Variants in SAFB observed in about 807,000 individuals in gnomAD.
SAFB encodes scaffold attachment factor B1.
In SAFB, 15 loss-of-function variants were observed where a neutral mutation model predicts 101.6. The observed-to-expected ratio is 0.15, with a 90% CI of 0.10 to 0.23. The LOEUF is 0.23. Among genes scored for constraint, SAFB ranks in the 10% least tolerant of loss-of-function variants. SAFB has a pLI of 1.00. For missense variants in SAFB, 930 were observed against 1,104.1 expected (o/e 0.84, Z 2.23); for synonymous variants, 449 against 407.5 (o/e 1.10, Z -1.23).
chr19:5,668,280 C>T lies in SAFB; in HGVS notation c.2743C>T (p.Arg915Cys), dbSNP rs2054384071. 7 of 1,611,852 alleles carry T rather than the reference C, an allele frequency of 4.3e-6. No individual in the cohort carries two copies. Among genetic ancestry groups the T allele is most frequent in the Non-Finnish European group, 5.1e-6 (6 of 1,179,564 alleles). ...CAGGCCCAGCGATGCCCGCTTCACT[C>T]GCCGCTACTGAGTACTTGGAATCCT... ...GSRPSDARFT[R>C]RY The change falls in exon 21 of 21, where the codon CGC becomes TGC. Residue 915 changes from arginine to cysteine, a missense_variant. Around this residue, in one of 7 missense-constraint regions of SAFB, gnomAD observed 318 missense variants for 342.6 expected, o/e 0.93. Transcript: ENST00000588852.
chr19:5,629,238 C>T (rs913033717), intron 2 of SAFB, among the ~76,000 whole-genome samples: 1 of 152,150 alleles, frequency 6.6e-6, no homozygotes, highest in African/African-American at 2.4e-5. Context: ...GGTTACAGAG[C>T]AAGACCCTGT....
At chr19:5,646,871 C>T (rs1013159839) in intron 5 of SAFB, among the ~76,000 whole-genome samples, 1 of 152,224 alleles carries the variant, frequency 6.6e-6, no homozygotes. Context: ...CAGACTCACA[C>T]TCATACACGG....
At chr19:5,639,297 A>G (rs2053656285) in intron 2 of SAFB, among the ~76,000 whole-genome samples, 1 of 152,206 alleles carries the variant, frequency 6.6e-6, no homozygotes, top group Admixed American at 6.5e-5. Flanking sequence ...AAAGAACTAA[A>G]TACAGGTGTA....
rs919921260 is a variant in SAFB at position 5,654,175 on chromosome 19, A to G, written c.1641A>G (p.Ser547=). 3.1e-6 allele frequency: 5 copies of G among 1,614,250 alleles called. No homozygotes were observed. The highest frequency in any genetic ancestry group is 3.4e-6 in the Non-Finnish European group (4 of 1,180,042). The change falls in exon 12 of 21, where the codon TCA becomes TCG. Residue 547 remains serine (S), a synonymous_variant. Coordinates refer to ENST00000588852, the MANE Select transcript of SAFB (RefSeq NM_001201338.2). ...AAGATGATCAGAAACCTGGCCCCTC[A>G]GAGCGATCTCGAGCCACAAAGTCAG... ...KDQDDQKPGP[S]ERSRATKSGS... is the part of the protein sequence containing the mutation.
chr19:5,628,915 A>G (rs1265025606), intron 2 of SAFB, among the ~76,000 whole-genome samples: 2 of 152,184 alleles, frequency 1.3e-5, no homozygotes, highest in African/African-American at 4.8e-5. Context: ...AAATACTTGT[A>G]CTACAGGCTT....
chr19:5,633,576 G>A (rs1265137454), intron 2 of SAFB, among the ~76,000 whole-genome samples: 1 of 152,046 alleles, frequency 6.6e-6, no homozygotes, highest in African/African-American at 2.4e-5. Context: ...TCGGGAGATC[G>A]AGACCATCCT....
At chr19:5,666,841 T>C (rs2054337046) in intron 17 of SAFB, 1 of 656,288 alleles carries the variant, frequency 1.5e-6, no homozygotes, top group Admixed American at 2.4e-5. Flanking sequence ...AGTACCTTTT[T>C]TGTACCAGGC....
chr19:5,643,620 A>G (rs2053767138), intron 4 of SAFB, among the ~76,000 whole-genome samples: 1 of 152,156 alleles, frequency 6.6e-6, no homozygotes, highest in African/African-American at 2.4e-5. Context: ...TTTCCCTCCT[A>G]AGCAGAAAAT....
chr19:5,664,371 C>A (rs760718460), intron 16 of SAFB, 26 bp from the exon 17 acceptor site: 5 of 1,602,814 alleles, frequency 3.1e-6, no homozygotes, highest in Middle Eastern at 1.7e-4. Context: ...CTTCCCCTTA[C>A]GGTTTGATTT....
chr19:5,650,373 A>G (rs1465592539), intron 8 of SAFB, among the ~76,000 whole-genome samples: 2 of 152,230 alleles, frequency 1.3e-5, no homozygotes, highest in Non-Finnish European at 2.9e-5. Flanking sequence ...CTGTTCTGCT[A>G]CATGGCCGTT....
At position 5,645,360 on chromosome 19, in the gene SAFB, C is replaced by T; in HGVS notation, c.570C>T (p.Asn190=). 7.4e-7 allele frequency: 1 copy of T among 1,349,694 alleles called. No individual in the cohort carries two copies. 83.6% of individuals were successfully genotyped at this position (1,349,694 alleles called of 1,614,324 possible). The change falls in exon 5 of 21, where the codon AAC becomes AAT. Residue 190 remains asparagine (N), a synonymous_variant. Transcript: ENST00000588852. ...AGATAGAGGACAAAGAAACTATAAA[C>T]AATTTAGATACTTCATCATCTGACT... is the stretch of plus-strand genomic sequence containing the variant. ...EHAIEDKETI[N]NLDTSSSDFT...
Position 5,654,205 on chromosome 19 carries a change from G to A in SAFB, c.1666+5G>A. The A allele has an allele frequency of 6.2e-7, 1 of 1,614,158 alleles. No individual in the cohort carries two copies. ...GATCTCGAGCCACAAAGTCAGGTGG[G>A]CAGCTCATGAGCCCAGGAGATTCTG... On this transcript the variant is annotated splice_donor_5th_base_variant and intron_variant, in intron 12 of 20. Coordinates refer to ENST00000588852, the MANE Select transcript of SAFB (RefSeq NM_001201338.2).
At chr19:5,650,679 G>A (rs1020928700) in intron 8 of SAFB, among the ~76,000 whole-genome samples, 2 of 152,198 alleles carry the variant, frequency 1.3e-5, no homozygotes, top group Non-Finnish European at 2.9e-5. Flanking sequence ...CCAAAGTGCT[G>A]GGATTACAGG....
chr19:5,624,705 T>TC (rs1442492554), intron 1 of SAFB, among the ~76,000 whole-genome samples: 2 of 147,002 alleles, frequency 1.4e-5, no homozygotes, highest in Non-Finnish European at 3.0e-5. Flanking sequence ...TTTTTTTTTT[T>TC]TCCTGATGAG....
chr19:5,654,650 C>T (rs905635034), intron 13 of SAFB, among the ~76,000 whole-genome samples, 194 bp downstream of exon 13: 5 of 152,202 alleles, frequency 3.3e-5, no homozygotes, highest in African/African-American at 1.2e-4. Context: ...GTGGTGCGAT[C>T]TTGGCTCACT....
At chr19:5,664,820 G>T (rs941920595) in intron 17 of SAFB, 2 of 250,826 alleles carry the variant, frequency 8.0e-6, no homozygotes, top group Admixed American at 1.0e-4. Context: ...GTCTGTCCTC[G>T]AGTGCCTGCC....
intron 2 of SAFB, among the ~76,000 whole-genome samples, chr19:5,626,936 T>C (rs1163384517): frequency 6.6e-6 from 1 of 151,900 alleles, no homozygotes; most frequent in African/African-American, 2.4e-5. Flanking sequence ...CCCAGCTGCT[T>C]GGGAGGCTGA....
chr19:5,640,145 G>A (rs1441399242), intron 2 of SAFB, among the ~76,000 whole-genome samples: 2 of 151,864 alleles, frequency 1.3e-5, no homozygotes, highest in Admixed American at 6.6e-5. Flanking sequence ...GAGCCACCGC[G>A]CCTGGCTGGA....
intron 2 of SAFB, among the ~76,000 whole-genome samples, chr19:5,631,172 A>G (rs2145404739): frequency 6.6e-6 from 1 of 152,338 alleles, no homozygotes; most frequent in South Asian, 2.1e-4. Context: ...CCTGGGCAAC[A>G]GTGCAAGACT....
Sources: allele counts gnomAD v4.1 joint callset (sites outside exome capture counted in the v4.1 genomes callset), GRCh38; gene constraint gnomAD v4.1.1; regional missense constraint gnomAD v4.1.1; transcripts MANE v1.5; gene names NCBI Gene and HGNC (gene_info 2026-07-23, HGNC 2026-07-21).